PCDHA11: variants seen among roughly 807,000 people sequenced by gnomAD.
PCDHA11 encodes the protein protocadherin alpha-11.
PCDHA11 carries 61 observed loss-of-function variants against 70.3 expected under a neutral mutation model. The observed-to-expected ratio is 0.87, with a 90% CI of 0.71 to 1.07. PCDHA11 has a LOEUF of 1.07. Ranked by LOEUF, PCDHA11 falls within the 50% of genes least tolerant of loss-of-function variation. The probability of loss-of-function intolerance (pLI) is 0.00; values close to 1 mark genes in which losing one functional copy is unlikely to be tolerated. For missense variants in PCDHA11, 1,324 were observed against 1,237.5 expected (o/e 1.07, Z -1.05); for synonymous variants, 633 against 555.1 (o/e 1.14, Z -1.97).
intron 1 of PCDHA11, among the ~76,000 whole-genome samples, chr5:140,954,134 A>G (rs1443838127): frequency 6.6e-6 from 1 of 152,194 alleles, no homozygotes; most frequent in Non-Finnish European, 1.5e-5. Flanking sequence ...TTATGGATGC[A>G]TAGTATTCCA....
chr5:140,945,807 C>G (rs1408404648), intron 1 of PCDHA11, among the ~76,000 whole-genome samples: 1 of 152,120 alleles, frequency 6.6e-6, no homozygotes, highest in African/African-American at 2.4e-5. Context: ...AGACCCTTAT[C>G]TCACACTGTA....
chr5:141,003,511 C>T (rs2098128112), intron 3 of PCDHA11, among the ~76,000 whole-genome samples: 2 of 152,114 alleles, frequency 1.3e-5, no homozygotes, highest in African/African-American at 4.8e-5. Flanking sequence ...TGGGGTTTCA[C>T]CATGTTCCCT....
In PCDHA11 at chr5:140,870,897, G is replaced by A. The variant is rs372076650; in HGVS notation, c.1794G>A (p.Ala598=). 4 of 1,613,942 alleles carry A rather than the reference G, an allele frequency of 2.5e-6. No individual in the cohort carries two copies. In the African/African-American group the frequency reaches 4.0e-5, roughly 16 times the overall value. Reference sequence around the variant, plus strand: ...TGGCGAAGGTGCGCGCAGTGGATGCGGACTCAGGCTACAACGCGTGGCTTT... The same window carrying A: ...TGGCGAAGGTGCGCGCAGTGGATGCAGACTCAGGCTACAACGCGTGGCTTT... The part of the protein sequence containing the change: ...HVVAKVRAVD[A]DSGYNAWLSY... Residue 598 remains alanine (A), a synonymous_variant, in exon 1 of 4, where the codon GCG becomes GCA. Coordinates refer to ENST00000398640, the MANE Select transcript of PCDHA11 (RefSeq NM_018902.5).
At chr5:140,990,778 T>C (rs2097414170) in intron 3 of PCDHA11, among the ~76,000 whole-genome samples, 1 of 152,208 alleles carries the variant, frequency 6.6e-6, no homozygotes, top group South Asian at 2.1e-4. Flanking sequence ...GGCTCTGTGT[T>C]GGACGATGAA....
At chr5:140,990,073 G>A (rs559119700) in intron 3 of PCDHA11, among the ~76,000 whole-genome samples, 6 of 152,178 alleles carry the variant, frequency 3.9e-5, no homozygotes, top group East Asian at 1.9e-4. Context: ...AAATAAGGGG[G>A]ACAAAGGATG....
At chr5:140,952,885 A>G (rs1285549724) in intron 1 of PCDHA11, among the ~76,000 whole-genome samples, 1 of 152,174 alleles carries the variant, frequency 6.6e-6, no homozygotes, top group Non-Finnish European at 1.5e-5. Flanking sequence ...TCATGGTGGA[A>G]GGCAAAGGGG....
At position 140,869,090 on chromosome 5, in the gene PCDHA11, C is replaced by T; in HGVS notation, c.-14C>T. ...GTGTAAAGAAGCTTATTTTGGAAGCCAATTTCGTATGCGATGTTTGGTTTT... is the reference window on the plus strand; with the variant it reads ...GTGTAAAGAAGCTTATTTTGGAAGCTAATTTCGTATGCGATGTTTGGTTTT... On this transcript the variant is annotated 5_prime_UTR_variant, in exon 1 of 4. Coordinates refer to ENST00000398640, the MANE Select transcript of PCDHA11 (RefSeq NM_018902.5). The T allele has an allele frequency of 6.3e-7, 1 of 1,589,674 alleles. No homozygotes were observed. Among genetic ancestry groups the T allele is most frequent in the Non-Finnish European group, 8.6e-7 (1 of 1,167,698 alleles).
At chr5:141,007,977 T>A (rs564286183) in intron 3 of PCDHA11, among the ~76,000 whole-genome samples, 20 of 152,362 alleles carry the variant, frequency 1.3e-4, no homozygotes, top group African/African-American at 4.8e-4. Flanking sequence ...GTCTGTCATG[T>A]ATATATGAAA....
intron 1 of PCDHA11, among the ~76,000 whole-genome samples, chr5:140,912,509 T>A (rs1473163707): frequency 6.6e-6 from 1 of 152,170 alleles, no homozygotes; most frequent in Non-Finnish European, 1.5e-5. Flanking sequence ...TTTGGATGAA[T>A]CTTTAGGGTT....
At chr5:140,941,202 C>CCTTTCTTCCTTCCTTTCTTTCTTT (rs1394736170) in intron 1 of PCDHA11, among the ~76,000 whole-genome samples, 4 of 122,742 alleles carry the variant, frequency 3.3e-5, no homozygotes, top group African/African-American at 5.9e-5. Context: ...TTTCTTTCTT[C>CCTTTCTTCCTTCCTTTCTTTCTTT]CTTTCTTTCT....
chr5:140,976,990 A>G (rs1162326000), intron 1 of PCDHA11, among the ~76,000 whole-genome samples: 1 of 152,228 alleles, frequency 6.6e-6, no homozygotes. Flanking sequence ...TCTTACTGCC[A>G]TAAGAAATCT....
intron 1 of PCDHA11, chr5:140,967,578 C>T (rs868970551): frequency 1.9e-6 from 3 of 1,614,000 alleles, no homozygotes; most frequent in Non-Finnish European, 2.5e-6. Flanking sequence ...GAGGACTCAC[C>T]CCCAGGCACA....
At chr5:141,000,379 C>G (rs1286955585) in intron 3 of PCDHA11, among the ~76,000 whole-genome samples, 6 of 60,366 alleles carry the variant, frequency 9.9e-5, no homozygotes, top group South Asian at 5.4e-4. Context: ...CTCTCTCTCT[C>G]TCTCTCTCTC....
At chr5:140,962,543 G>T (rs962454688) in intron 1 of PCDHA11, among the ~76,000 whole-genome samples, 1 of 152,176 alleles carries the variant, frequency 6.6e-6, no homozygotes, top group Non-Finnish European at 1.5e-5. Flanking sequence ...AACTAAAAAT[G>T]TAGAGGATCT....
chr5:140,914,288 T>C (rs2076666061), intron 1 of PCDHA11, among the ~76,000 whole-genome samples: 1 of 152,210 alleles, frequency 6.6e-6, no homozygotes, highest in African/African-American at 2.4e-5. Flanking sequence ...ATAATTGTTA[T>C]ATCCTCTTGC....
chr5:140,869,790 A>G lies in PCDHA11; in HGVS notation c.687A>G (p.Leu229=), dbSNP rs782009264. Residue 229 remains leucine (L), a synonymous_variant, in exon 1 of 4, where the codon TTA becomes TTG. Coordinates refer to ENST00000398640, the MANE Select transcript of PCDHA11 (RefSeq NM_018902.5). ...KPELTGTVRL[L]VQVLDVNDND... ...AGCTTACTGGCACCGTTCGGCTGTT[A>G]GTCCAAGTCTTGGATGTCAACGACA... 2.5e-6 allele frequency: 4 copies of G among 1,612,954 alleles called. No individual in the cohort carries two copies. The highest frequency in any genetic ancestry group is 1.3e-5 in the African/African-American group (1 of 75,064).
intron 3 of PCDHA11, among the ~76,000 whole-genome samples, chr5:140,985,779 G>A (rs2097170620): frequency 7.9e-6 from 1 of 126,148 alleles, no homozygotes; most frequent in Non-Finnish European, 1.6e-5. Flanking sequence ...TCGCTCTGTC[G>A]CCCAGGCTGG....
chr5:140,874,010 T>C (rs1002287481), intron 1 of PCDHA11, among the ~76,000 whole-genome samples: 7 of 152,208 alleles, frequency 4.6e-5, no homozygotes, highest in Non-Finnish European at 8.8e-5. Context: ...TTGACCACTT[T>C]TGAAAATGAA....
chr5:140,935,501 A>G (rs1337847677), intron 1 of PCDHA11, among the ~76,000 whole-genome samples: 1 of 152,250 alleles, frequency 6.6e-6, no homozygotes, highest in East Asian at 1.9e-4. Context: ...GCACATCCTT[A>G]CAAATGCCCA....
Sources: allele counts gnomAD v4.1 joint callset (sites outside exome capture counted in the v4.1 genomes callset), GRCh38; gene constraint gnomAD v4.1.1; transcripts MANE v1.5; gene names NCBI Gene and HGNC (gene_info 2026-07-23, HGNC 2026-07-21).